Variants in ZNF608 observed in about 807,000 individuals in gnomAD.
The protein encoded by ZNF608 is zinc finger protein 608.
A neutral mutation model predicts 109.0 loss-of-function variants in ZNF608; 12 were observed. The ratio of observed to expected loss-of-function variants is 0.11; its 90% CI spans 0.07 to 0.18. The LOEUF is 0.18. Ranked by LOEUF, ZNF608 falls within the 10% of genes least tolerant of loss-of-function variation. The pLI is 1.00. For synonymous variants in ZNF608, 732 were observed against 717.4 expected (o/e 1.02, Z -0.33); for missense variants, 1,707 against 1,879.3 (o/e 0.91, Z 1.70).
intron 3 of ZNF608, among the ~76,000 whole-genome samples, chr5:124,694,965 C>T (rs149855783): frequency 6.6e-6 from 1 of 152,304 alleles, no homozygotes; most frequent in Non-Finnish European, 1.5e-5. Context: ...GTAGTTCTTC[C>T]AGCCCCTCAG....
rs116421066 is a variant in ZNF608, at chr5:124,713,456, T to C, written c.907-12187A>G. Among the ~76,000 whole-genome samples, 943 of 152,320 alleles carry C rather than the reference T, an allele frequency of 6.2e-3. 7 individuals are homozygous for C. The highest frequency in any genetic ancestry group is 0.016 in the African/African-American group (666 of 41,566). On this transcript the variant is annotated intron_variant, in intron 2 of 9. Transcript: ENST00000513986. ...AATGTAATGACAGCAAACATTAACT[T>C]TGAACACTTATTAAGTGGAATGTTA...
chr5:124,668,846 G>A (rs960327403), intron 3 of ZNF608, among the ~76,000 whole-genome samples: 3 of 152,186 alleles, frequency 2.0e-5, no homozygotes, highest in African/African-American at 7.2e-5. Context: ...TAAAGAAGGG[G>A]CCAATACACT....
chr5:124,648,016 G>C lies in ZNF608; in HGVS notation c.2368C>G (p.Pro790Ala), dbSNP rs1314488328. ...PKSPPLKPIQ[P>A]KPTIMGEPIT... ...GGCTCTCCCATAATTGTGGGCTTTG[G>C]TTGAATGGGTTTTAACGGAGGACTC... Residue 790 changes from proline (P) to alanine (A), a missense_variant, in exon 5 of 10, where the codon CCA (proline) becomes GCA (alanine). By Grantham distance (27) the Pro-to-Ala change is conservative. Transcript: ENST00000513986. 6.2e-7 allele frequency: 1 copy of C among 1,614,206 alleles called. No homozygotes were observed.
chr5:124,643,564 C>T lies in ZNF608; in HGVS notation c.4243G>A (p.Ala1415Thr). 1 of 1,614,190 alleles carries T rather than the reference C, an allele frequency of 6.2e-7. No individual in the cohort carries two copies. The highest frequency in any genetic ancestry group is 8.5e-7 in the Non-Finnish European group (1 of 1,180,028). ...VNTKTTTESK[A>T]LDLLQQHANQ... ...GCATGCTGCTGGAGCAAATCCAGTG[C>T]TTTAGATTCAGTGGTTGTTTTCGTG... The change falls in exon 7 of 10, where the codon GCA (alanine) becomes ACA (threonine). Residue 1415 changes from alanine to threonine, a missense_variant. Ala to Thr is a moderately conservative substitution (Grantham distance 58, BLOSUM62 0). Coordinates refer to ENST00000513986, the MANE Select transcript of ZNF608 (RefSeq NM_020747.3).
intron 3 of ZNF608, among the ~76,000 whole-genome samples, chr5:124,660,413 A>G (rs1166431903): frequency 6.6e-6 from 1 of 152,224 alleles, no homozygotes; most frequent in African/African-American, 2.4e-5. Context: ...CCCTGCAGGC[A>G]GTGTGGGAAG....
At chr5:124,649,863 G>A (rs1216643340) in intron 3 of ZNF608, among the ~76,000 whole-genome samples, 166 bp from the exon 4 acceptor site, 1 of 152,186 alleles carries the variant, frequency 6.6e-6, no homozygotes, top group Non-Finnish European at 1.5e-5. Context: ...GTGACCTCAA[G>A]TTAAAACCCA....
intron 9 of ZNF608, chr5:124,638,763 A>G (rs909738361): frequency 3.3e-6 from 3 of 910,290 alleles, no homozygotes; most frequent in Admixed American, 4.8e-5. Context: ...AATTTAAAAT[A>G]TCAAAGAACA....
chr5:124,710,779 C>G (rs1457368548), intron 2 of ZNF608: 1 of 153,196 alleles, frequency 6.5e-6, no homozygotes, highest in Non-Finnish European at 1.5e-5. Context: ...CTGGGTAAAG[C>G]TCTCCATACT....
chr5:124,653,571 C>A (rs990002050), intron 3 of ZNF608, among the ~76,000 whole-genome samples: 1 of 152,190 alleles, frequency 6.6e-6, no homozygotes, highest in Non-Finnish European at 1.5e-5. Flanking sequence ...ATAGTTTTGT[C>A]TATTACCTGC....
intron 3 of ZNF608, among the ~76,000 whole-genome samples, chr5:124,682,234 G>A (rs1413824296): frequency 2.0e-5 from 3 of 152,134 alleles, no homozygotes; most frequent in Non-Finnish European, 4.4e-5. Context: ...TACCATGCCT[G>A]GCTAATTTTT....
chr5:124,687,536 T>G (rs991327409), intron 3 of ZNF608, among the ~76,000 whole-genome samples: 1 of 152,148 alleles, frequency 6.6e-6, no homozygotes, highest in African/African-American at 2.4e-5. Context: ...TTCCAAGAAA[T>G]TATCAAATGA....
At chr5:124,671,316 T>A (rs1370920186) in intron 3 of ZNF608, among the ~76,000 whole-genome samples, 1 of 152,150 alleles carries the variant, frequency 6.6e-6, no homozygotes, top group Non-Finnish European at 1.5e-5. Flanking sequence ...TGCCTGTGTA[T>A]CTCCTGCCCA....
chr5:124,664,782 G>A (rs1425794720), intron 3 of ZNF608, among the ~76,000 whole-genome samples: 1 of 152,146 alleles, frequency 6.6e-6, no homozygotes, highest in Non-Finnish European at 1.5e-5. Context: ...ATGAAGGAAT[G>A]GTGCATGTAT....
intron 3 of ZNF608, among the ~76,000 whole-genome samples, chr5:124,689,242 C>T (rs1325210962): frequency 2.6e-5 from 4 of 152,268 alleles, no homozygotes; most frequent in Non-Finnish European, 5.9e-5. Context: ...GATTGTACTA[C>T]TGCACTCCAG....
intron 2 of ZNF608, chr5:124,708,802 G>A (rs1358434632): frequency 1.1e-5 from 5 of 455,448 alleles, no homozygotes; most frequent in South Asian, 7.8e-5. Flanking sequence ...CAGGGCTCTG[G>A]CCCCAAGGCC....
rs751396569 is a variant in ZNF608 at position 124,648,063 on chromosome 5, G to C, written c.2321C>G (p.Thr774Ser). ...ACTCTTTGGTGTAGCCTGAACAACA[G>C]TTGTTGTGAGGGAGGGCAGTCCGGG... ...TIPGLPSLTT[T>S]VVQATPKSPP... Residue 774 changes from threonine to serine, a missense_variant, in exon 5 of 10, where the codon ACT (threonine) becomes AGT (serine). This residue lies in a region of ZNF608 where 1,073 missense variants were observed against 1,133.5 expected (regional missense o/e 0.95). Coordinates refer to ENST00000513986, the MANE Select transcript of ZNF608 (RefSeq NM_020747.3). 8 of 1,613,960 alleles carry C rather than the reference G, an allele frequency of 5.0e-6. No individual in the cohort carries two copies. Among genetic ancestry groups the C allele is most frequent in the Non-Finnish European group, 6.8e-6 (8 of 1,179,964 alleles).
rs769058303 is a variant in ZNF608, at chr5:124,648,351, T to C, written c.2033A>G (p.Asn678Ser). The change falls in exon 5 of 10, where the codon AAC becomes AGC. Residue 678 changes from asparagine to serine, a missense_variant. This residue lies in a region of ZNF608 where 1,073 missense variants were observed against 1,133.5 expected (regional missense o/e 0.95). Transcript: ENST00000513986. The stretch of plus-strand genomic sequence containing the variant: ...GCAACTGTCTAACGCAGCCGTCATG[T>C]TGGAGATTACTGGAAGGTTGTTCAG... ...NELNNLPVIS[N>S]MTAALDSCSA... 4 of 1,614,242 alleles carry C rather than the reference T, an allele frequency of 2.5e-6. No individual in the cohort carries two copies. The highest frequency in any genetic ancestry group is 3.4e-6 in the Non-Finnish European group (4 of 1,180,048).
chr5:124,641,607 C>A (rs1250435167), intron 7 of ZNF608, among the ~76,000 whole-genome samples: 3 of 152,158 alleles, frequency 2.0e-5, no homozygotes, highest in Admixed American at 2.0e-4. Context: ...AAGAACTACT[C>A]CACCCAAAGT....
chr5:124,660,056 T>C (rs574244767), intron 3 of ZNF608, among the ~76,000 whole-genome samples: 1 of 152,348 alleles, frequency 6.6e-6, no homozygotes, highest in Admixed American at 6.5e-5. Flanking sequence ...AGCTATTCTT[T>C]ACAAAGGCCA....
Sources: allele counts gnomAD v4.1 joint callset (sites outside exome capture counted in the v4.1 genomes callset), GRCh38; gene constraint gnomAD v4.1.1; regional missense constraint gnomAD v4.1.1; transcripts MANE v1.5; gene names NCBI Gene and HGNC (gene_info 2026-07-23, HGNC 2026-07-21).